PTPN5: variants seen among roughly 807,000 people sequenced by gnomAD.
The protein encoded by PTPN5 is tyrosine-protein phosphatase non-receptor type 5.
PTPN5 carries 29 observed loss-of-function variants against 73.9 expected under a neutral mutation model. That is an observed-to-expected ratio of 0.39 (90% CI 0.29 to 0.54). The LOEUF is 0.54. Ranked by LOEUF, PTPN5 falls within the 20% of genes least tolerant of loss-of-function variation. The pLI is 0.65. For synonymous variants in PTPN5, 267 were observed against 304.7 expected (o/e 0.88, Z 1.29); for missense variants, 652 against 751.4 (o/e 0.87, Z 1.55).
intron 3 of PTPN5, among the ~76,000 whole-genome samples, chr11:18,753,802 G>C (rs1241410317): frequency 6.6e-6 from 1 of 152,188 alleles, no homozygotes; most frequent in Non-Finnish European, 1.5e-5. Context: ...TGGGCCAAGT[G>C]TTCAGGGACA....
At chr11:18,773,665 A>G (rs1851015984) in intron 1 of PTPN5, among the ~76,000 whole-genome samples, 1 of 152,130 alleles carries the variant, frequency 6.6e-6, no homozygotes, top group Admixed American at 6.5e-5. Flanking sequence ...GGGAGCTCTG[A>G]GTCTGGGCTA....
At chr11:18,750,441 T>C (rs1000836775) in intron 3 of PTPN5, among the ~76,000 whole-genome samples, 1 of 152,120 alleles carries the variant, frequency 6.6e-6, no homozygotes, top group Non-Finnish European at 1.5e-5. Flanking sequence ...CACCACGTCA[T>C]TGGTAACAAG....
chr11:18,746,686 T>C lies in PTPN5; in HGVS notation c.98-2487A>G, dbSNP rs188099427. Among the ~76,000 whole-genome samples the C allele has an allele frequency of 7.7e-4, 117 of 152,286 alleles. 1 individual carries two copies. The highest frequency in any genetic ancestry group is 6.9e-3 in the East Asian group (36 of 5,184). ...CAGTGCATTAAGCAATAAATCTAAG[T>C]GCCAATGGAGTCTAAGAGGGTCACG... On this transcript the variant is annotated intron_variant, in intron 3 of 14. Coordinates refer to ENST00000358540, the MANE Select transcript of PTPN5 (RefSeq NM_006906.2).
At chr11:18,789,190 A>G (rs1039062478) in intron 1 of PTPN5, among the ~76,000 whole-genome samples, 3 of 152,226 alleles carry the variant, frequency 2.0e-5, no homozygotes, top group Admixed American at 2.0e-4. Flanking sequence ...ATTACTAGCT[A>G]CCAATTCCTG....
chr11:18,750,605 G>A (rs527311242), intron 3 of PTPN5, among the ~76,000 whole-genome samples: 1 of 152,150 alleles, frequency 6.6e-6, no homozygotes, highest in African/African-American at 2.4e-5. Flanking sequence ...ATATAGGAGC[G>A]GTATGGGTGA....
chr11:18,729,005 C>G lies in PTPN5; in HGVS notation c.1627G>C (p.Glu543Gln). The G allele has an allele frequency of 6.2e-7, 1 of 1,613,850 alleles. No individual in the cohort carries two copies. Among genetic ancestry groups the G allele is most frequent in the Non-Finnish European group, 8.5e-7 (1 of 1,179,944 alleles). Reference protein sequence around the residue: ...QDRGGMIQTCEQYQFVHHVMS... With the variant: ...QDRGGMIQTCQQYQFVHHVMS... The stretch of plus-strand genomic sequence containing the variant: ...ACGTGGTGCACAAACTGGTACTGCT[C>G]GCATGTCTGGATCATGCCGCCCCTG... The change falls in exon 15 of 15, where the codon GAG (glutamate) becomes CAG (glutamine). Residue 543 changes from glutamate to glutamine, a missense_variant. Glu to Gln is a conservative substitution (Grantham distance 29). Around this residue, in one of 3 missense-constraint regions of PTPN5, gnomAD observed 102 missense variants for 160.5 expected, o/e 0.64. Transcript: ENST00000358540. The surrounding 1 kb of genome is among the most constrained non-coding windows in gnomAD (Gnocchi z 5.2).
intron 2 of PTPN5, among the ~76,000 whole-genome samples, chr11:18,767,660 A>G (rs983792553): frequency 7.9e-5 from 12 of 152,264 alleles, no homozygotes; most frequent in Non-Finnish European, 1.5e-5. Context: ...CAGGCAATGG[A>G]AAGTGGCATG....
intron 1 of PTPN5, among the ~76,000 whole-genome samples, chr11:18,773,523 A>G (rs993781198): frequency 6.6e-6 from 1 of 152,080 alleles, no homozygotes; most frequent in African/African-American, 2.4e-5. Context: ...GGGGCTCTTC[A>G]GTGGGGCTGG....
rs190801189 is a variant in PTPN5 at position 18,769,426 on chromosome 11, C to T, written c.20+2513G>A. ...TTAATTAATTAATTAATTTTTGAGA[C>T]GGAGTCTCACTCTGTTGCCCAGGCT... On this transcript the variant is annotated intron_variant, in intron 2 of 14. Transcript: ENST00000358540. Among the ~76,000 whole-genome samples, 658 of 152,120 alleles carry T rather than the reference C, an allele frequency of 4.3e-3. 3 individuals are homozygous for T. The highest frequency in any genetic ancestry group is 0.014 in the Middle Eastern group (4 of 294).
chr11:18,764,104 G>A (rs1442096971), intron 3 of PTPN5, among the ~76,000 whole-genome samples: 1 of 152,090 alleles, frequency 6.6e-6, no homozygotes, highest in African/African-American at 2.4e-5. Context: ...ATGTCATCTG[G>A]ACCTCCCATC....
intron 2 of PTPN5, 136 bp from the exon 3 acceptor site, chr11:18,766,019 G>C: frequency 1.4e-6 from 1 of 703,950 alleles, no homozygotes; most frequent in South Asian, 1.6e-5. Context: ...AGGGACCTGA[G>C]GAAAATACCA....
At chr11:18,746,004 T>C (rs1381237882) in intron 3 of PTPN5, among the ~76,000 whole-genome samples, 1 of 151,708 alleles carries the variant, frequency 6.6e-6, no homozygotes, top group Non-Finnish European at 1.5e-5. Flanking sequence ...TTCATCCTCA[T>C]GTCTACAGCA....
intron 1 of PTPN5, among the ~76,000 whole-genome samples, chr11:18,777,152 C>T (rs910833881): frequency 6.7e-6 from 1 of 148,696 alleles, no homozygotes; most frequent in Admixed American, 6.7e-5. Flanking sequence ...CAGAATGAGA[C>T]TCCATCTCAA....
chr11:18,761,372 C>T (rs1361167413), intron 3 of PTPN5, among the ~76,000 whole-genome samples: 1 of 152,106 alleles, frequency 6.6e-6, no homozygotes, highest in Admixed American at 6.5e-5. Flanking sequence ...GAGTGGAGTC[C>T]CCAACATTAG....
At position 18,771,919 on chromosome 11, in the gene PTPN5, C is replaced by A; in HGVS notation, c.20+20G>T. ...CCTCAGTGGGCGGGTTGCAGGGGGA[C>A]GGCGTAAACGCTCACTCACCTGGCT... On this transcript the variant is annotated intron_variant, in intron 2 of 14. Transcript: ENST00000358540. 1 of 1,597,168 alleles carries A rather than the reference C, an allele frequency of 6.3e-7. No homozygotes were observed. Among genetic ancestry groups the A allele is most frequent in the African/African-American group, 1.4e-5 (1 of 73,764 alleles).
chr11:18,748,515 A>T (rs922111436), intron 3 of PTPN5, among the ~76,000 whole-genome samples: 4 of 152,128 alleles, frequency 2.6e-5, no homozygotes, highest in Non-Finnish European at 2.9e-5. Context: ...ATTTATTTAG[A>T]TATTTTTCTG....
At chr11:18,744,485 C>A (rs1849526590) in intron 3 of PTPN5, 3 of 295,460 alleles carry the variant, frequency 1.0e-5, no homozygotes, top group Non-Finnish European at 1.2e-5. Flanking sequence ...CAGCTTCATT[C>A]TTTTCCATTT....
chr11:18,788,299 G>C (rs1306490376), intron 1 of PTPN5, among the ~76,000 whole-genome samples: 1 of 152,152 alleles, frequency 6.6e-6, no homozygotes, highest in Non-Finnish European at 1.5e-5. Flanking sequence ...GGGGTAGCCA[G>C]AGTGAGTTTC....
intron 3 of PTPN5, among the ~76,000 whole-genome samples, chr11:18,756,920 T>TAAAAAAAAAAAAAAAAAAA (rs1564910476): frequency 1.8e-5 from 2 of 110,150 alleles, no homozygotes; most frequent in Non-Finnish European, 3.6e-5. Flanking sequence ...CAAGACTCCA[T>TAAAAAAAAAAAAAAAAAAA]CAAAAAAAAA....
Sources: gnomAD v4.1 joint callset for allele counts (sites outside exome capture counted in the v4.1 genomes callset) on GRCh38, gnomAD v4.1.1 for gene constraint, gnomAD v4.1.1 regional missense constraint, Gnocchi (gnomAD v3.1) non-coding constraint, MANE v1.5 for transcripts, NCBI Gene and HGNC (gene_info 2026-07-23, HGNC 2026-07-21) for gene names.